The following MCPH1 variants were observed in gnomAD, a reference collection of about 807,000 sequenced individuals.
MCPH1 encodes the protein microcephalin.
A neutral mutation model predicts 84.5 loss-of-function variants in MCPH1; 104 were observed. The observed-to-expected ratio is 1.23, with a 90% CI of 1.05 to 1.45. The LOEUF (loss-of-function observed/expected upper bound fraction) is 1.45. MCPH1 is among the 40% of genes most tolerant of loss of function. The pLI, the probability that MCPH1 is intolerant of heterozygous loss-of-function variation, is 0.00. For missense variants in MCPH1, 1,498 were observed against 1,005.7 expected, an observed-to-expected ratio of 1.49 and a Z score of -6.62; for synonymous variants, 514 against 366.8, an observed-to-expected ratio of 1.40 and a Z score of -4.58.
At chr8:6,468,092 T>C (rs1156791159) in intron 9 of MCPH1, among the ~76,000 whole-genome samples, 1 of 152,160 alleles carries the variant, frequency 6.6e-6, no homozygotes, top group African/African-American at 2.4e-5. Context: ...CTTAAGCAAT[T>C]TGAGCACATT....
chr8:6,562,552 CTTTTTTTTT>C, intron 12 of MCPH1: 7 of 71,560 alleles, frequency 9.8e-5, no homozygotes, highest in East Asian at 1.7e-4. Context: ...CATCCTCCTT[CTTTTTTTTT>C]TTTTTTTTTT....
Position 6,643,106 on chromosome 8 carries a change from G to A in MCPH1, c.*57G>A. On this transcript the variant is annotated 3_prime_UTR_variant, in exon 14 of 14. Transcript: ENST00000344683. ...ACAGCTCGCAAAACTGTCTTTGGAT[G>A]TTCAAATGAGAAACAAAACTGTGAA... is the stretch of plus-strand genomic sequence containing the variant. 1.4e-6 allele frequency: 2 copies of A among 1,446,368 alleles called. No homozygotes were observed. Among genetic ancestry groups the A allele is most frequent in the Non-Finnish European group, 1.9e-6 (2 of 1,028,992 alleles). 89.6% of individuals were successfully genotyped at this position (1,446,368 alleles called of 1,614,324 possible). A position where few individuals can be genotyped will look rare whatever the true frequency, so the allele number is the denominator to read the frequency against.
At chr8:6,558,041 C>G (rs1360210296) in intron 12 of MCPH1, among the ~76,000 whole-genome samples, 5 of 152,180 alleles carry the variant, frequency 3.3e-5, no homozygotes, top group Non-Finnish European at 5.9e-5. Flanking sequence ...CCCACACGCA[C>G]CTTTAGTTAC....
At chr8:6,423,535 A>G (rs1197273619) in intron 3 of MCPH1, among the ~76,000 whole-genome samples, 1 of 152,190 alleles carries the variant, frequency 6.6e-6, no homozygotes, top group African/African-American at 2.4e-5. Context: ...CCCACTTTAT[A>G]TATATAAGAA....
At chr8:6,419,954 A>G (rs961726536) in intron 3 of MCPH1, among the ~76,000 whole-genome samples, 9 of 151,570 alleles carry the variant, frequency 5.9e-5, no homozygotes, top group Non-Finnish European at 1.0e-4. Flanking sequence ...AGTCTATTCT[A>G]TTTCCATTCA....
chr8:6,551,454 G>A (rs969803831), intron 12 of MCPH1, among the ~76,000 whole-genome samples: 1 of 152,184 alleles, frequency 6.6e-6, no homozygotes, highest in African/African-American at 2.4e-5. Flanking sequence ...TTATGTGTTT[G>A]TTATTACCCA....
chr8:6,537,318 A>T lies in MCPH1; in HGVS notation c.2214+37389A>T, dbSNP rs188429576. 2.8e-4 allele frequency among the ~76,000 whole-genome samples: 42 copies of T among 152,018 alleles called. No individual in the cohort carries two copies. In the East Asian group the frequency reaches 7.3e-3, roughly 27 times the overall value. The stretch of plus-strand genomic sequence containing the variant: ...GTGTGTTTATTTTGTCCTCTTCTTG[A>T]TGGTTGACACAGTCGGCAAAGTGTG... On this transcript the variant is annotated intron_variant, in intron 12 of 13. Transcript: ENST00000344683.
At chr8:6,627,661 C>T (rs866441524) in intron 13 of MCPH1, among the ~76,000 whole-genome samples, 5 of 152,226 alleles carry the variant, frequency 3.3e-5, no homozygotes, top group Middle Eastern at 3.4e-3. Context: ...GAGGCCGAGG[C>T]GGGTGGGTCG....
intron 5 of MCPH1, among the ~76,000 whole-genome samples, chr8:6,436,784 A>G (rs1171204472): frequency 6.6e-6 from 1 of 152,054 alleles, no homozygotes; most frequent in Non-Finnish European, 1.5e-5. Flanking sequence ...CCTGGCTAAC[A>G]TGTTGAAACC....
At chr8:6,413,503 C>A (rs997543037) in intron 2 of MCPH1, among the ~76,000 whole-genome samples, 12 of 151,370 alleles carry the variant, frequency 7.9e-5, no homozygotes, top group African/African-American at 2.9e-4. Context: ...TTTGTGTATT[C>A]CTGTATTCTT....
chr8:6,512,862 G>C (rs548514214), intron 12 of MCPH1, among the ~76,000 whole-genome samples: 135 of 152,322 alleles, frequency 8.9e-4, no homozygotes, highest in African/African-American at 3.2e-3. Flanking sequence ...ATTTCCTGTA[G>C]AGGAGAGCAG....
intron 11 of MCPH1, 48 bp downstream of exon 11, chr8:6,480,924 A>C (rs1330972220): frequency 6.2e-7 from 1 of 1,602,946 alleles, no homozygotes; most frequent in Non-Finnish European, 8.5e-7. Context: ...GCATTTTGAT[A>C]GAGTGGGTCA....
At chr8:6,625,331 G>T in intron 13 of MCPH1, 1 of 985,448 alleles carries the variant, frequency 1.0e-6, no homozygotes, top group Non-Finnish European at 1.2e-6. Context: ...CAGATTGACG[G>T]TATCCATGGA....
chr8:6,515,422 G>T (rs1816059723), intron 12 of MCPH1, among the ~76,000 whole-genome samples: 1 of 152,134 alleles, frequency 6.6e-6, no homozygotes, highest in Non-Finnish European at 1.5e-5. Context: ...TAGCACCTTG[G>T]CCTCAAGGGC....
chr8:6,514,552 C>T (rs1815857038), intron 12 of MCPH1: 2 of 828,038 alleles, frequency 2.4e-6, no homozygotes, highest in African/African-American at 1.7e-5. Flanking sequence ...GACTGAAGCA[C>T]CAATTTTAAA....
At chr8:6,560,864 G>A (rs1036311331) in intron 12 of MCPH1, among the ~76,000 whole-genome samples, 1 of 152,174 alleles carries the variant, frequency 6.6e-6, no homozygotes, top group Non-Finnish European at 1.5e-5. Flanking sequence ...AGTTAATTAA[G>A]CAAATACAAT....
In MCPH1 at chr8:6,621,701, C is replaced by T. The variant is rs1368350115; in HGVS notation, c.2452+10C>T. On this transcript the variant is annotated intron_variant, in intron 13 of 13. Coordinates refer to ENST00000344683, the MANE Select transcript of MCPH1 (RefSeq NM_024596.5). ...GAGAAATGGGTCTTAGGTAAGAATCCAGGCACACAGACGCTGTGGTGTGGT... is the reference window on the plus strand; with the variant it reads ...GAGAAATGGGTCTTAGGTAAGAATCTAGGCACACAGACGCTGTGGTGTGGT... The T allele has an allele frequency of 9.3e-6, 15 of 1,614,000 alleles. No homozygotes were observed. Among genetic ancestry groups the T allele is most frequent in the Non-Finnish European group, 1.3e-5 (15 of 1,180,016 alleles).
rs769115566 is a variant in MCPH1 at position 6,541,227 on chromosome 8, C to G, written c.2214+41298C>G. ...GCACCAGAGGGTTTCCCTGACACAG[C>G]AGGGGATGCTTTGAGGCCCCTTTAA... On this transcript the variant is annotated intron_variant, in intron 12 of 13. Transcript: ENST00000344683. Among the ~76,000 whole-genome samples the G allele has an allele frequency of 4.3e-4, 66 of 152,264 alleles. 1 individual carries two copies. Among genetic ancestry groups the G allele is most frequent in the Non-Finnish European group, 4.0e-4 (27 of 68,018 alleles).
chr8:6,409,071 G>T (rs1411240696), intron 1 of MCPH1, among the ~76,000 whole-genome samples: 1 of 152,040 alleles, frequency 6.6e-6, no homozygotes, highest in East Asian at 1.9e-4. Context: ...TCTTTTAGTA[G>T]AGATGGTTTT....
Sources: gnomAD v4.1 joint callset for allele counts (sites outside exome capture counted in the v4.1 genomes callset) on GRCh38, gnomAD v4.1.1 for gene constraint, MANE v1.5 for transcripts, NCBI Gene and HGNC (gene_info 2026-07-23, HGNC 2026-07-21) for gene names.